PANK2: variants seen among roughly 807,000 people sequenced by gnomAD.
The protein encoded by PANK2 is pantothenate kinase 2, mitochondrial.
Under a neutral mutation model 43.1 loss-of-function variants are expected in PANK2, and 36 were observed. The ratio of observed to expected loss-of-function variants is 0.84; its 90% CI spans 0.64 to 1.10. The LOEUF is 1.10. Among genes scored for constraint, PANK2 ranks in the 50% least tolerant of loss-of-function variants. The probability of loss-of-function intolerance (pLI) is 0.00; values close to 1 mark genes in which losing one functional copy is unlikely to be tolerated. For synonymous variants in PANK2, 281 were observed against 238.2 expected (o/e 1.18, Z -1.66); for missense variants, 576 against 593.3 (o/e 0.97, Z 0.30).
chr20:3,907,955 G>A lies in PANK2; in HGVS notation c.328G>A (p.Gly110Arg). Residue 110 changes from glycine to arginine, a missense_variant, in exon 2 of 7, where the codon GGA becomes AGA. Physicochemically the swap from Gly to Arg is moderately radical, Grantham distance 125. Coordinates refer to ENST00000610179, the MANE Select transcript of PANK2 (RefSeq NM_001386393.1). ...TCCATGGTTTGGACTGGATATCGGTGGAACTCTGGTCAAGCTGGTATATTT... is the reference window on the plus strand; with the variant it reads ...TCCATGGTTTGGACTGGATATCGGTAGAACTCTGGTCAAGCTGGTATATTT... 1.2e-6 allele frequency: 2 copies of A among 1,614,110 alleles called. No homozygotes were observed. Among genetic ancestry groups the A allele is most frequent in the Non-Finnish European group, 1.7e-6 (2 of 1,180,020 alleles).
chr20:3,888,985 C>T, upstream of PANK2: 2 of 832,312 alleles, frequency 2.4e-6, no homozygotes, highest in Non-Finnish European at 3.6e-6. Context: ...TGGAGGAGGG[C>T]TCGAGCTGCG....
At chr20:3,916,878 G>A (rs765106864) in intron 4 of PANK2, 49 bp from the exon 5 acceptor site, 4 of 1,611,868 alleles carry the variant, frequency 2.5e-6, no homozygotes, top group South Asian at 2.2e-5. Context: ...GTTCTGTTGG[G>A]CTTTGTTGCT....
Position 3,927,990 on chromosome 20 carries a change from A to C in PANK2, c.*4696A>C, listed in dbSNP as rs1012866590. ...GAATTGGCAAAGTAAGGTTTACTAC[A>C]CAAGCCCCTCTTTTTCTTCTGATAT... On this transcript the variant is annotated 3_prime_UTR_variant, in exon 7 of 7. Coordinates refer to ENST00000610179, the MANE Select transcript of PANK2 (RefSeq NM_001386393.1). 2 of 152,226 alleles carry C rather than the reference A, an allele frequency of 1.3e-5. No homozygotes were observed. The highest frequency in any genetic ancestry group is 2.4e-5 in the African/African-American group (1 of 41,460). 9.4% of individuals were successfully genotyped at this position (152,226 alleles called of 1,614,324 possible).
chr20:3,896,594 A>G (rs777960018), intron 1 of PANK2, among the ~76,000 whole-genome samples: 1 of 152,106 alleles, frequency 6.6e-6, no homozygotes, highest in Non-Finnish European at 1.5e-5. Context: ...ACTCCTCTCC[A>G]GCCTCTGGGG....
chr20:3,913,993 G>T (rs570685733), intron 4 of PANK2, among the ~76,000 whole-genome samples: 2 of 151,498 alleles, frequency 1.3e-5, no homozygotes, highest in Non-Finnish European at 2.9e-5. Context: ...GTTTCACTAT[G>T]TTGGCCAGGA....
chr20:3,913,273 T>G (rs1276412914), intron 4 of PANK2, among the ~76,000 whole-genome samples: 5 of 152,238 alleles, frequency 3.3e-5, no homozygotes. Context: ...GATTACTTCT[T>G]CATATAGCAT....
At chr20:3,917,232 G>T (rs182764146) in intron 5 of PANK2, among the ~76,000 whole-genome samples, 182 bp downstream of exon 5, 1 of 150,772 alleles carries the variant, frequency 6.6e-6, no homozygotes, top group East Asian at 1.9e-4. Flanking sequence ...TTAAACTGAA[G>T]ATAAACATTG....
chr20:3,889,238 TA>T, upstream of PANK2: 1 of 1,613,358 alleles, frequency 6.2e-7, no homozygotes, highest in Middle Eastern at 1.6e-4. Flanking sequence ...CCCGTCACGA[TA>T]GCCTCTCATT....
rs1555787799 is a variant in PANK2, at chr20:3,908,233, T to A, written c.606T>A (p.Cys202Ter). ...TCTCGAGTCTCCACACTGTCTTTTG[T>A]GCCACTGGAGGTGGAGCGTACAAAT... The change falls in exon 2 of 7, where the codon TGT (cysteine) becomes TGA (stop). Residue 202 changes from cysteine to a stop codon, truncating the protein, a stop_gained. Transcript: ENST00000610179. LOFTEE classifies it high-confidence loss of function. 2 of 1,612,658 alleles carry A rather than the reference T, an allele frequency of 1.2e-6. No individual in the cohort carries two copies. The highest frequency in any genetic ancestry group is 1.7e-6 in the Non-Finnish European group (2 of 1,180,030).
intron 4 of PANK2, among the ~76,000 whole-genome samples, chr20:3,913,575 A>G (rs985927481): frequency 6.6e-6 from 1 of 151,764 alleles, no homozygotes; most frequent in Non-Finnish European, 1.5e-5. Context: ...AACTCAGGTG[A>G]TCTGCCGCCT....
intron 1 of PANK2, among the ~76,000 whole-genome samples, chr20:3,896,789 T>TACTGTGTAC (rs1555785457): frequency 6.6e-6 from 1 of 152,210 alleles, no homozygotes; most frequent in Non-Finnish European, 1.5e-5. Flanking sequence ...CCCTCCCCTA[T>TACTGTGTAC]ACTGTGTACT....
intron 1 of PANK2, among the ~76,000 whole-genome samples, chr20:3,903,817 C>T (rs527450759): frequency 1.5e-4 from 23 of 151,902 alleles, no homozygotes; most frequent in Non-Finnish European, 2.4e-4. Context: ...TTAGTAGAGA[C>T]GTGGTTTCAC....
chr20:3,908,002 T>TGAA lies in PANK2; in HGVS notation c.384_386dup (p.Glu131dup). The TGAA allele has an allele frequency of 3.1e-6, 5 of 1,614,150 alleles. No homozygotes were observed. Among genetic ancestry groups the TGAA allele is most frequent in the Non-Finnish European group, 4.2e-6 (5 of 1,180,022 alleles). The stretch of plus-strand genomic sequence containing the variant: ...ATTTTGAACCCAAAGACATCACTGC[T>TGAA]GAAGAAGAAGAGGAAGAAGTGGAAA... On this transcript the variant is annotated inframe_insertion, in exon 2 of 7. Coordinates refer to ENST00000610179, the MANE Select transcript of PANK2 (RefSeq NM_001386393.1).
At chr20:3,889,051 G>C (rs1173010919), upstream of PANK2, 4 of 1,451,952 alleles carry the variant, frequency 2.8e-6, no homozygotes, top group East Asian at 2.5e-5. Flanking sequence ...GAGTTCCGCG[G>C]CCCGGGGGGG....
rs1407928928 is a variant in PANK2 at position 3,889,510 on chromosome 20, G to C, written c.80G>C (p.Gly27Ala). 6.9e-7 allele frequency: 1 copy of C among 1,449,182 alleles called. No homozygotes were observed. 89.8% of individuals were successfully genotyped at this position (1,449,182 alleles called of 1,614,324 possible). Reference sequence around the variant, plus strand: ...CTCGGCGCGCCCATGGAGCGCCACGGCAGGGCTTCCGCCACCTCCGTCTCG... The same window carrying C: ...CTCGGCGCGCCCATGGAGCGCCACGCCAGGGCTTCCGCCACCTCCGTCTCG... The change falls in exon 1 of 7, where the codon GGC (glycine) becomes GCC (alanine). Residue 27 changes from glycine (G) to alanine (A), a missense_variant. Coordinates refer to ENST00000610179, the MANE Select transcript of PANK2 (RefSeq NM_001386393.1).
intron 1 of PANK2, among the ~76,000 whole-genome samples, chr20:3,907,584 A>G (rs2146858400): frequency 6.6e-6 from 1 of 152,322 alleles, no homozygotes; most frequent in South Asian, 2.1e-4. Context: ...CCGATAGGAA[A>G]GAGAGATTTT....
At chr20:3,898,430 C>T (rs912293776) in intron 1 of PANK2, among the ~76,000 whole-genome samples, 42 of 152,240 alleles carry the variant, frequency 2.8e-4, no homozygotes, top group African/African-American at 7.2e-4. Flanking sequence ...GAACTCCTGA[C>T]CTCAGGTCAT....
chr20:3,896,648 G>T (rs2146828031), intron 1 of PANK2, among the ~76,000 whole-genome samples: 1 of 152,134 alleles, frequency 6.6e-6, no homozygotes, highest in African/African-American at 2.4e-5. Flanking sequence ...AGTGGACAGT[G>T]ATTTAATCAA....
At chr20:3,901,483 C>T (rs765438434) in intron 1 of PANK2, 1 of 422,804 alleles carries the variant, frequency 2.4e-6, no homozygotes, top group Non-Finnish European at 3.2e-6. Context: ...CACATTTAAA[C>T]TATCACTTCT....
Sources: gnomAD v4.1 joint callset for allele counts (sites outside exome capture counted in the v4.1 genomes callset) on GRCh38, gnomAD v4.1.1 for gene constraint, MANE v1.5 for transcripts, NCBI Gene and HGNC (gene_info 2026-07-23, HGNC 2026-07-21) for gene names.